Variants in SLC45A2 observed in about 807,000 individuals in gnomAD.
SLC45A2 encodes the protein membrane-associated transporter protein.
A neutral mutation model predicts 45.5 loss-of-function variants in SLC45A2; 36 were observed. That is an observed-to-expected ratio of 0.79 (90% confidence interval 0.61 to 1.04). The LOEUF is 1.04. Ranked by LOEUF, SLC45A2 falls within the 50% of genes least tolerant of loss-of-function variation. The pLI, the probability that SLC45A2 is intolerant of heterozygous loss-of-function variation, is 0.00. For missense variants in SLC45A2, 719 were observed against 671.0 expected, an observed-to-expected ratio of 1.07 and a Z score of -0.79; for synonymous variants, 306 against 269.3, an observed-to-expected ratio of 1.14 and a Z score of -1.33.
intron 3 of SLC45A2, among the ~76,000 whole-genome samples, chr5:33,957,380 C>T (rs1300916762): frequency 2.0e-5 from 3 of 152,044 alleles, no homozygotes; most frequent in Non-Finnish European, 2.9e-5. Context: ...TATAATCATG[C>T]TTTTTTCTTC....
intron 2 of SLC45A2, among the ~76,000 whole-genome samples, chr5:33,969,705 C>T (rs976714380): frequency 1.3e-5 from 2 of 152,146 alleles, no homozygotes; most frequent in Admixed American, 6.5e-5. Context: ...ATTGGTAAAT[C>T]CCTTAGGCGG....
rs1341603989 is a variant in SLC45A2, at chr5:33,951,487, T to C, written c.1156+67A>G. On this transcript the variant is annotated intron_variant, in intron 5 of 6. Transcript: ENST00000296589. ...AAACAGTAGGAAATACACATAGAAA[T>C]ATCAAATCCAAGTTGTGCTAGACCA... 7 of 1,611,506 alleles carry C rather than the reference T, an allele frequency of 4.3e-6. No individual in the cohort carries two copies. The East Asian group carries it at 1.6e-4, about 36-fold the overall frequency.
intron 3 of SLC45A2, among the ~76,000 whole-genome samples, chr5:33,955,617 T>A (rs1311533871): frequency 6.6e-6 from 1 of 151,904 alleles, no homozygotes; most frequent in Non-Finnish European, 1.5e-5. Flanking sequence ...GTAAGAACAA[T>A]GTAGAACTCA....
At chr5:33,980,391 T>C (rs1753042878) in intron 2 of SLC45A2, among the ~76,000 whole-genome samples, 2 of 152,198 alleles carry the variant, frequency 1.3e-5, no homozygotes, top group South Asian at 2.1e-4. Flanking sequence ...AATTTGACAA[T>C]TGATTCTCAA....
At chr5:33,965,499 T>C (rs564960579) in intron 2 of SLC45A2, among the ~76,000 whole-genome samples, 1 of 152,316 alleles carries the variant, frequency 6.6e-6, no homozygotes, top group African/African-American at 2.4e-5. Context: ...AAGGCAGAAT[T>C]ACAAGAAACT....
intron 2 of SLC45A2, among the ~76,000 whole-genome samples, chr5:33,973,884 A>G (rs1752853146): frequency 7.4e-6 from 1 of 134,486 alleles, no homozygotes; most frequent in Non-Finnish European, 1.7e-5. Flanking sequence ...ATTAACTAAC[A>G]TGGTGCAGAG....
At chr5:33,979,101 G>A (rs903350214) in intron 2 of SLC45A2, among the ~76,000 whole-genome samples, 4 of 152,222 alleles carry the variant, frequency 2.6e-5, no homozygotes, top group African/African-American at 9.7e-5. Context: ...GAAGACCATG[G>A]CCTGTGACGC....
chr5:33,983,837 C>G (rs1395580377), intron 1 of SLC45A2, among the ~76,000 whole-genome samples: 2 of 152,002 alleles, frequency 1.3e-5, no homozygotes, highest in Non-Finnish European at 1.5e-5. Context: ...ATTTGGCAGC[C>G]AGTCAATTTG....
At chr5:33,946,092 G>T (rs1055222224) in intron 6 of SLC45A2, 5 of 985,268 alleles carry the variant, frequency 5.1e-6, no homozygotes, top group East Asian at 1.1e-4. Flanking sequence ...CAGCTTCCAA[G>T]TGAGAGAGGC....
chr5:33,954,445 G>A lies in SLC45A2; in HGVS notation c.948C>T (p.His316=). The A allele has an allele frequency of 1.9e-6, 3 of 1,614,104 alleles. No individual in the cohort carries two copies. Among genetic ancestry groups the A allele is most frequent in the Admixed American group, 1.7e-5 (1 of 59,978 alleles). ...LLRALVNMPP[H]YRYLCISHLI... is the part of the protein sequence containing the mutation. ...GGTGGCTGATGCAAAGGTAGCGGTA[G>A]TGAGGAGGCATGTTCACCAGTGCTC... Residue 316 remains histidine (H), a synonymous_variant, in exon 4 of 7, where the codon CAC becomes CAT. Coordinates refer to ENST00000296589, the MANE Select transcript of SLC45A2 (RefSeq NM_016180.5).
intron 1 of SLC45A2, among the ~76,000 whole-genome samples, chr5:33,983,067 G>C (rs1234936981): frequency 6.6e-6 from 1 of 152,174 alleles, no homozygotes; most frequent in Non-Finnish European, 1.5e-5. Context: ...TCAATTGGTG[G>C]GCCTGAAGGG....
At chr5:33,966,235 TGG>T (rs1191459463) in intron 2 of SLC45A2, among the ~76,000 whole-genome samples, 1 of 152,190 alleles carries the variant, frequency 6.6e-6, no homozygotes, top group East Asian at 1.9e-4. Context: ...GTCCTACAAT[TGG>T]GGAGTTTCCT....
chr5:33,984,241 C>T lies in SLC45A2; in HGVS notation c.343G>A (p.Val115Met), dbSNP rs1753168894. 3.7e-6 allele frequency: 6 copies of T among 1,614,138 alleles called. No homozygotes were observed. In the Admixed American group the frequency reaches 5.0e-5, roughly 13 times the overall value. ...CCATTGAGGTACAGAGCCATGCCCA[C>T]GAGCATCATGACTCCCAGGGTGAGG... ...YILTLGVMML[V>M]GMALYLNGAT... Residue 115 changes from valine to methionine, a missense_variant, in exon 1 of 7, where the codon GTG (valine) becomes ATG (methionine). Coordinates refer to ENST00000296589, the MANE Select transcript of SLC45A2 (RefSeq NM_016180.5).
chr5:33,966,427 CTTTTTTT>C (rs367752652), intron 2 of SLC45A2, among the ~76,000 whole-genome samples: 2 of 95,160 alleles, frequency 2.1e-5, no homozygotes, highest in African/African-American at 4.4e-5. Context: ...AAGCTACTTT[CTTTTTTT>C]TTTTTTTTTT....
intron 5 of SLC45A2, 26 bp downstream of exon 5, chr5:33,951,528 C>T: frequency 1.2e-6 from 2 of 1,613,890 alleles, no homozygotes; most frequent in South Asian, 1.1e-5. Flanking sequence ...TTTTAGAAGA[C>T]ATCCTTAGGA....
chr5:33,947,136 C>T (rs1037452130), intron 6 of SLC45A2, 27 bp downstream of exon 6: 5 of 1,614,192 alleles, frequency 3.1e-6, no homozygotes, highest in African/African-American at 2.7e-5. Context: ...GGATGTTACC[C>T]AAGGCAGAGG....
intron 3 of SLC45A2, among the ~76,000 whole-genome samples, chr5:33,962,239 T>C (rs896615451): frequency 6.6e-6 from 1 of 152,258 alleles, no homozygotes; most frequent in Non-Finnish European, 1.5e-5. Flanking sequence ...TTCCTGGGCA[T>C]AGAGACTGGA....
intron 2 of SLC45A2, chr5:33,972,151 A>G: frequency 1.9e-6 from 1 of 520,254 alleles, no homozygotes; most frequent in Non-Finnish European, 3.9e-6. Flanking sequence ...ACCATCCACC[A>G]TGCATCATTT....
intron 5 of SLC45A2, among the ~76,000 whole-genome samples, chr5:33,949,192 C>T (rs1752025605): frequency 6.6e-6 from 1 of 152,170 alleles, no homozygotes; most frequent in Admixed American, 6.5e-5. Context: ...CCTCAGCAGC[C>T]AGATTGTCCT....
Sources: gnomAD v4.1 joint callset for allele counts (sites outside exome capture counted in the v4.1 genomes callset) on GRCh38, gnomAD v4.1.1 for gene constraint, MANE v1.5 for transcripts, NCBI Gene and HGNC (gene_info 2026-07-23, HGNC 2026-07-21) for gene names.